Variants in UNC13B observed in about 807,000 individuals in gnomAD.
UNC13B encodes unc-13 homolog B.
In UNC13B, 144 loss-of-function variants were observed where a neutral mutation model predicts 211.0. The observed-to-expected ratio is 0.68, with a 90% CI of 0.60 to 0.78. The LOEUF is 0.78. Among genes scored for constraint, UNC13B ranks in the 30% least tolerant of loss-of-function variants. UNC13B has a pLI of 0.00. For synonymous variants in UNC13B, 709 were observed against 725.8 expected (o/e 0.98, Z 0.37); for missense variants, 1,777 against 2,002.0 (o/e 0.89, Z 2.14).
At position 35,338,746 on chromosome 9, in the gene UNC13B, G is replaced by C. The variant is rs539291228; in HGVS notation, c.9414+24757G>C. 4.1e-4 allele frequency among the ~76,000 whole-genome samples: 63 copies of C among 152,286 alleles called. 1 individual carries two copies. The highest frequency in any genetic ancestry group is 5.9e-5 in the Non-Finnish European group (4 of 68,022). On this transcript the variant is annotated intron_variant, in intron 11 of 39. Coordinates refer to ENST00000635942, the MANE Select transcript of UNC13B (RefSeq NM_001371189.2). ...ATCCTTTGTACTCTGCGTCTGTGTT[G>C]ATATTGGACAATAAGGTAAGCACCT...
intron 14 of UNC13B, among the ~76,000 whole-genome samples, chr9:35,375,808 C>T (rs1472110242): frequency 6.6e-6 from 1 of 152,168 alleles, no homozygotes; most frequent in African/African-American, 2.4e-5. Context: ...TGGTGAAACC[C>T]TGTCTCTACT....
At chr9:35,270,339 ATGTGTG>A (rs67433459) in intron 7 of UNC13B, among the ~76,000 whole-genome samples, 23 of 150,254 alleles carry the variant, frequency 1.5e-4, no homozygotes, top group Admixed American at 7.3e-4. Flanking sequence ...ATGTATATAT[ATGTGTG>A]TGTGTGTGTG....
intron 7 of UNC13B, among the ~76,000 whole-genome samples, chr9:35,272,684 A>G (rs1266047276): frequency 1.3e-5 from 2 of 152,256 alleles, no homozygotes; most frequent in Non-Finnish European, 2.9e-5. Context: ...ATACAGAAGC[A>G]AGTTATTGTA....
At position 35,369,318 on chromosome 9, in the gene UNC13B, A is replaced by G. The variant is rs142777673; in HGVS notation, c.9462-1000A>G. Among the ~76,000 whole-genome samples, 9 of 152,330 alleles carry G rather than the reference A, an allele frequency of 5.9e-5. No homozygotes were observed. In the East Asian group the frequency reaches 1.7e-3, roughly 29 times the overall value. On this transcript the variant is annotated intron_variant, in intron 12 of 39. Coordinates refer to ENST00000635942, the MANE Select transcript of UNC13B (RefSeq NM_001371189.2). Reference sequence around the variant, plus strand: ...GTCTTTGCTCTCATTAAAACCAAGTACATGAGTTCTTTGCATTAAGGCCAG... The same window carrying G: ...GTCTTTGCTCTCATTAAAACCAAGTGCATGAGTTCTTTGCATTAAGGCCAG...
chr9:35,293,926 A>G (rs1829218944), intron 7 of UNC13B, among the ~76,000 whole-genome samples: 1 of 152,020 alleles, frequency 6.6e-6, no homozygotes, highest in Admixed American at 6.6e-5. Flanking sequence ...CTCCTTTTTT[A>G]TGTTCACATG....
intron 3 of UNC13B, 57 bp from the exon 4 acceptor site, chr9:35,236,412 T>C (rs1825511958): frequency 7.4e-7 from 1 of 1,345,560 alleles, no homozygotes; most frequent in African/African-American, 1.4e-5. Context: ...ACAGGAGATG[T>C]AGTTGTTTCT....
chr9:35,314,469 T>C (rs1830345104), intron 11 of UNC13B, among the ~76,000 whole-genome samples: 2 of 152,144 alleles, frequency 1.3e-5, no homozygotes, highest in South Asian at 2.1e-4. Flanking sequence ...AAGATAAATA[T>C]TTTTCATTTT....
chr9:35,357,836 A>G (rs931976568), intron 11 of UNC13B, among the ~76,000 whole-genome samples: 2 of 152,242 alleles, frequency 1.3e-5, no homozygotes, highest in Admixed American at 1.3e-4. Context: ...TTAAAAATAT[A>G]TAGTTCCATA....
Position 35,353,193 on chromosome 9 carries a change from A to G in UNC13B, c.9415-13754A>G, listed in dbSNP as rs922990046. On this transcript the variant is annotated intron_variant, in intron 11 of 39. Transcript: ENST00000635942. The stretch of plus-strand genomic sequence containing the variant: ...GAGGAATGTGCTGCTCACGTCCTCA[A>G]GGATGTCTTTGACAAGTCCTCTTGT... 1.7e-5 allele frequency: 21 copies of G among 1,232,042 alleles called. No individual in the cohort carries two copies. In the African/African-American group the frequency reaches 3.1e-4, roughly 18 times the overall value. The allele number at this position is 1,232,042 out of a possible 1,614,324, so 76.3% of individuals were successfully genotyped here.
At chr9:35,294,291 C>T (rs1329293117) in intron 7 of UNC13B, among the ~76,000 whole-genome samples, 3 of 152,064 alleles carry the variant, frequency 2.0e-5, no homozygotes, top group Non-Finnish European at 4.4e-5. Context: ...TTTCCACTGC[C>T]CACATTGCTA....
intron 6 of UNC13B, 128 bp downstream of exon 6, chr9:35,243,492 A>C: frequency 1.1e-6 from 1 of 928,722 alleles, no homozygotes; most frequent in Non-Finnish European, 1.7e-6. Flanking sequence ...GCATTGAAGA[A>C]AAAAGGCAGC....
chr9:35,241,715 G>A (rs2131551490), intron 5 of UNC13B, among the ~76,000 whole-genome samples: 1 of 152,256 alleles, frequency 6.6e-6, no homozygotes, highest in African/African-American at 2.4e-5. Flanking sequence ...TAGACCTGCA[G>A]CAGCAGCAGC....
At chr9:35,321,384 C>A (rs1830729861) in intron 11 of UNC13B, among the ~76,000 whole-genome samples, 1 of 152,014 alleles carries the variant, frequency 6.6e-6, no homozygotes, top group Admixed American at 6.6e-5. Context: ...CCATGCCCGG[C>A]TGATTTATTT....
At chr9:35,279,409 A>G (rs550909665) in intron 7 of UNC13B, among the ~76,000 whole-genome samples, 13 of 152,338 alleles carry the variant, frequency 8.5e-5, no homozygotes, top group African/African-American at 3.1e-4. Flanking sequence ...AATTCATTGT[A>G]CAGATATACC....
At chr9:35,266,439 G>A (rs549549438) in intron 7 of UNC13B, among the ~76,000 whole-genome samples, 1 of 152,200 alleles carries the variant, frequency 6.6e-6, no homozygotes, top group African/African-American at 2.4e-5. Context: ...GGTGGCTCAT[G>A]CCTGTAATCC....
At chr9:35,314,013 G>A (rs1266260064) in intron 11 of UNC13B, 24 bp downstream of exon 11, 1 of 1,590,988 alleles carries the variant, frequency 6.3e-7, no homozygotes, top group African/African-American at 1.3e-5. Context: ...TCTAGTACTG[G>A]TTGGGACAAT....
intron 11 of UNC13B, among the ~76,000 whole-genome samples, chr9:35,363,408 G>A (rs868039719): frequency 2.0e-5 from 3 of 152,150 alleles, no homozygotes; most frequent in African/African-American, 4.8e-5. Context: ...ATCCTGGGGG[G>A]GTTGAGATGT....
intron 11 of UNC13B, among the ~76,000 whole-genome samples, chr9:35,323,012 T>C (rs921890082): frequency 6.6e-6 from 1 of 151,602 alleles, no homozygotes; most frequent in Non-Finnish European, 1.5e-5. Flanking sequence ...TATATAGATA[T>C]ATATTTATAA....
chr9:35,313,071 A>G (rs1213843484), intron 10 of UNC13B, among the ~76,000 whole-genome samples: 2 of 152,206 alleles, frequency 1.3e-5, no homozygotes, highest in Non-Finnish European at 2.9e-5. Context: ...TAAGAAGTGC[A>G]GTGAGAGGGG....
Sources: gnomAD v4.1 joint callset for allele counts (sites outside exome capture counted in the v4.1 genomes callset) on GRCh38, gnomAD v4.1.1 for gene constraint, MANE v1.5 for transcripts, NCBI Gene and HGNC (gene_info 2026-07-23, HGNC 2026-07-21) for gene names.